Variants in APP observed in about 807,000 individuals in gnomAD.
APP encodes the protein amyloid-beta precursor protein.
In APP, 31 loss-of-function variants were observed where a neutral mutation model predicts 101.4. The observed-to-expected ratio is 0.31, with a 90% CI of 0.23 to 0.41. The LOEUF (loss-of-function observed/expected upper bound fraction) is 0.41. APP is among the 10% of genes least tolerant of loss of function. The pLI is 1.00. For synonymous variants in APP, 366 were observed against 364.4 expected (o/e 1.00, Z -0.05); for missense variants, 839 against 1,003.7 (o/e 0.84, Z 2.22).
intron 3 of APP, among the ~76,000 whole-genome samples, chr21:26,074,190 A>G (rs967072809): frequency 5.3e-5 from 8 of 152,224 alleles, no homozygotes; most frequent in African/African-American, 1.9e-4. Flanking sequence ...CAGGTACCTA[A>G]TCAATAAATA....
chr21:26,144,085 GGAA>G (rs765004293), intron 1 of APP, among the ~76,000 whole-genome samples: 38 of 152,134 alleles, frequency 2.5e-4, no homozygotes, highest in Admixed American at 1.4e-3. Context: ...CATGGTGGCA[GGAA>G]GAAGAAGTGC....
intron 3 of APP, among the ~76,000 whole-genome samples, chr21:26,064,680 T>C (rs539575259): frequency 3.3e-5 from 5 of 152,206 alleles, no homozygotes; most frequent in South Asian, 4.2e-4. Flanking sequence ...ACCCTCCCCC[T>C]AACAATCTCC....
At chr21:26,100,827 GAA>G (rs1260946932) in intron 2 of APP, among the ~76,000 whole-genome samples, 1 of 152,104 alleles carries the variant, frequency 6.6e-6, no homozygotes, top group South Asian at 2.1e-4. Context: ...AAGAAAACAG[GAA>G]AAAGAGAAAA....
intron 1 of APP, among the ~76,000 whole-genome samples, chr21:26,147,806 C>T (rs1351485709): frequency 6.8e-6 from 1 of 148,148 alleles, no homozygotes; most frequent in Admixed American, 6.9e-5. Context: ...CTAATCAGAA[C>T]ATCAAAAAAA....
chr21:25,899,103 A>G (rs2038270122), intron 15 of APP, among the ~76,000 whole-genome samples: 1 of 152,178 alleles, frequency 6.6e-6, no homozygotes, highest in South Asian at 2.1e-4. Flanking sequence ...ACCCACAATC[A>G]ATGTCACTCT....
chr21:25,911,678 C>CA, intron 14 of APP, 63 bp downstream of exon 14: 1 of 1,436,054 alleles, frequency 7.0e-7, no homozygotes. Context: ...CTCTCTTGCA[C>CA]ACACGTTATG....
chr21:26,170,448 G>C, intron 1 of APP, 116 bp downstream of exon 1: 1 of 1,102,324 alleles, frequency 9.1e-7, no homozygotes, highest in Non-Finnish European at 1.3e-6. Flanking sequence ...GGAGAGGAGA[G>C]GGGTCCCATT....
intron 1 of APP, among the ~76,000 whole-genome samples, chr21:26,112,979 T>C (rs1027087571): frequency 1.3e-5 from 2 of 152,156 alleles, no homozygotes; most frequent in African/African-American, 4.8e-5. Flanking sequence ...AGGCATTACC[T>C]TTACAAAAAT....
Position 25,881,442 on chromosome 21 carries a change from T to C in APP, c.*228A>G. On this transcript the variant is annotated 3_prime_UTR_variant, in exon 18 of 18. Transcript: ENST00000346798. ...CTTTACAGTACACAAAACCCATTAA[T>C]AATGTAGTATAGAGACCAAAATGTA... The C allele has an allele frequency of 1.7e-6, 1 of 591,548 alleles. No individual in the cohort carries two copies. The highest frequency in any genetic ancestry group is 3.0e-6 in the Non-Finnish European group (1 of 332,018). The allele number at this position is 591,548 out of a possible 1,614,324, so 36.6% of individuals were successfully genotyped here. A position where few individuals can be genotyped will look rare whatever the true frequency, so the allele number is the denominator to read the frequency against.
intron 1 of APP, among the ~76,000 whole-genome samples, chr21:26,131,612 C>T (rs925554039): frequency 1.1e-4 from 17 of 152,266 alleles, no homozygotes; most frequent in Admixed American, 4.6e-4. Flanking sequence ...ATGACCAATA[C>T]GGCAATACTT....
chr21:25,941,108 A>G (rs2040558362), intron 13 of APP, among the ~76,000 whole-genome samples: 2 of 152,252 alleles, frequency 1.3e-5, no homozygotes, highest in Admixed American at 6.5e-5. Flanking sequence ...ACAATCAGTT[A>G]AGTGGTAATT....
At chr21:25,973,606 A>G (rs1022841512) in intron 11 of APP, among the ~76,000 whole-genome samples, 3 of 152,162 alleles carry the variant, frequency 2.0e-5, no homozygotes, top group Non-Finnish European at 2.9e-5. Context: ...CCGGTCCACA[A>G]TCACAGGCAG....
At chr21:25,903,469 G>A (rs900160757) in intron 15 of APP, among the ~76,000 whole-genome samples, 22 of 151,946 alleles carry the variant, frequency 1.4e-4, no homozygotes, top group African/African-American at 5.1e-4. Flanking sequence ...GTAACATATA[G>A]GCTCTCCTGG....
intron 6 of APP, among the ~76,000 whole-genome samples, chr21:26,009,040 G>A (rs574167009): frequency 7.2e-5 from 11 of 152,250 alleles, no homozygotes; most frequent in African/African-American, 2.6e-4. Flanking sequence ...TTTTCCAAGG[G>A]CCTTGGATAA....
chr21:26,160,592 C>G (rs1035177776), intron 1 of APP, among the ~76,000 whole-genome samples: 1 of 151,750 alleles, frequency 6.6e-6, no homozygotes, highest in African/African-American at 2.4e-5. Context: ...TAATAGAATT[C>G]AATATATTTT....
At chr21:26,108,631 T>A (rs1315705781) in intron 2 of APP, among the ~76,000 whole-genome samples, 1 of 152,138 alleles carries the variant, frequency 6.6e-6, no homozygotes, top group Non-Finnish European at 1.5e-5. Flanking sequence ...CTCACGCCTG[T>A]AATCCCAGCA....
intron 2 of APP, among the ~76,000 whole-genome samples, chr21:26,104,067 T>G (rs746719175): frequency 7.2e-5 from 11 of 152,214 alleles, no homozygotes; most frequent in Non-Finnish European, 1.6e-4. Context: ...ACCTCCTTGC[T>G]GTGTCCTTAT....
chr21:25,992,484 T>A (rs1358358727), intron 8 of APP, among the ~76,000 whole-genome samples: 1 of 152,184 alleles, frequency 6.6e-6, no homozygotes, highest in Non-Finnish European at 1.5e-5. Context: ...CATGAATACA[T>A]CAATATTCCG....
intron 1 of APP, among the ~76,000 whole-genome samples, chr21:26,113,450 G>A (rs1005505153): frequency 3.3e-5 from 5 of 152,154 alleles, no homozygotes; most frequent in African/African-American, 1.2e-4. Flanking sequence ...ACCCAACAGA[G>A]GACTTAGGTC....
Sources: gnomAD v4.1 joint callset for allele counts (sites outside exome capture counted in the v4.1 genomes callset) on GRCh38, gnomAD v4.1.1 for gene constraint, MANE v1.5 for transcripts, NCBI Gene and HGNC (gene_info 2026-07-23, HGNC 2026-07-21) for gene names.